The following WDR72 variants were observed in gnomAD, a reference collection of about 807,000 sequenced individuals.
WDR72 encodes WD repeat-containing protein 72.
In WDR72, 120 loss-of-function variants were observed where a neutral mutation model predicts 124.2. That is an observed-to-expected ratio of 0.97 (90% CI 0.83 to 1.12). The LOEUF (loss-of-function observed/expected upper bound fraction) is 1.12, where lower values mean the gene tolerates loss of function less well. Ranked by LOEUF, WDR72 falls within the 50% of genes most tolerant of loss-of-function variation. The pLI is 0.00. For synonymous variants in WDR72, 452 were observed against 441.7 expected (o/e 1.02, Z -0.29); for missense variants, 1,387 against 1,278.8 (o/e 1.08, Z -1.29).
At chr15:53,702,009 T>G in intron 12 of WDR72, 125 bp downstream of exon 12, 1 of 613,380 alleles carries the variant, frequency 1.6e-6, no homozygotes, top group Non-Finnish European at 2.7e-6. Context: ...AGTTGTATTA[T>G]AAGTACATAG....
intron 13 of WDR72, among the ~76,000 whole-genome samples, chr15:53,678,447 A>G (rs2016254774): frequency 6.6e-6 from 1 of 152,150 alleles, no homozygotes; most frequent in African/African-American, 2.4e-5. Flanking sequence ...TCTTAACTCT[A>G]TAGAACCATT....
At chr15:53,683,694 T>G (rs966001390) in intron 13 of WDR72, among the ~76,000 whole-genome samples, 1 of 152,066 alleles carries the variant, frequency 6.6e-6, no homozygotes, top group Non-Finnish European at 1.5e-5. Context: ...TAATTTATAA[T>G]TACTTGGGTA....
intron 11 of WDR72, among the ~76,000 whole-genome samples, chr15:53,704,578 G>A (rs1429372046): frequency 6.6e-6 from 1 of 151,340 alleles, no homozygotes; most frequent in Non-Finnish European, 1.5e-5. Flanking sequence ...CCAGGCTGGA[G>A]TGCAGTGGCG....
rs1595853186 is a variant in WDR72, at chr15:53,690,499, C to CT, written c.1765+9250dup. 3.9e-5 allele frequency among the ~76,000 whole-genome samples: 6 copies of CT among 152,244 alleles called. No individual in the cohort carries two copies. The East Asian group carries it at 9.7e-4, about 25-fold the overall frequency. On this transcript the variant is annotated intron_variant, in intron 13 of 19. Coordinates refer to ENST00000360509, the MANE Select transcript of WDR72 (RefSeq NM_182758.4). Reference sequence around the variant, plus strand: ...CTGCTTTCTGGTTTTATGGATTTGCCTTTTTTGGATATGTCATATAAAAAA... The same window carrying CT: ...CTGCTTTCTGGTTTTATGGATTTGCCTTTTTTTGGATATGTCATATAAAAAA...
chr15:53,601,511 A>G (rs1030140513), intron 17 of WDR72, among the ~76,000 whole-genome samples: 1 of 152,192 alleles, frequency 6.6e-6, no homozygotes, highest in African/African-American at 2.4e-5. Flanking sequence ...ACATATCAAT[A>G]CTAACCTTAA....
In WDR72 at chr15:53,587,145, C is replaced by T. The variant is rs190415799; in HGVS notation, c.3148+9934G>A. On this transcript the variant is annotated intron_variant, in intron 18 of 19. Coordinates refer to ENST00000360509, the MANE Select transcript of WDR72 (RefSeq NM_182758.4). Reference sequence around the variant, plus strand: ...AACGCCTTTCACAGTGAATAACTGTCCTGCTTGGTTTTCAAATATTCCACT... The same window carrying T: ...AACGCCTTTCACAGTGAATAACTGTTCTGCTTGGTTTTCAAATATTCCACT... Among the ~76,000 whole-genome samples the T allele has an allele frequency of 8.5e-5, 13 of 152,108 alleles. No homozygotes were observed. The East Asian group carries it at 2.1e-3, about 25-fold the overall frequency.
chr15:53,702,054 C>G, intron 12 of WDR72, 80 bp downstream of exon 12: 1 of 1,058,318 alleles, frequency 9.4e-7, no homozygotes, highest in Non-Finnish European at 1.3e-6. Context: ...AAATATGGGT[C>G]ATTTTTACTT....
chr15:53,556,271 A>C (rs1595758293), intron 18 of WDR72, among the ~76,000 whole-genome samples: 1 of 152,260 alleles, frequency 6.6e-6, no homozygotes, highest in East Asian at 1.9e-4. Context: ...GATGAAAACC[A>C]TTTAAACTTA....
intron 2 of WDR72, among the ~76,000 whole-genome samples, chr15:53,726,268 A>ATATATATGTATGTGTG (rs1567051194): frequency 6.5e-5 from 6 of 92,420 alleles, no homozygotes; most frequent in African/African-American, 2.6e-4. Flanking sequence ...ATGTGTGTAT[A>ATATATATGTATGTGTG]TATATATATA....
At chr15:53,652,228 G>A (rs2015268089) in intron 14 of WDR72, 1 of 152,106 alleles carries the variant, frequency 6.6e-6, no homozygotes, top group Non-Finnish European at 1.5e-5. Flanking sequence ...GCCTTGTCAT[G>A]GGAATCTAAA....
intron 13 of WDR72, among the ~76,000 whole-genome samples, chr15:53,667,894 G>A (rs1445727860): frequency 6.6e-6 from 1 of 152,036 alleles, no homozygotes; most frequent in Non-Finnish European, 1.5e-5. Flanking sequence ...TTTTAGTGAT[G>A]AAAACAGTTT....
At chr15:53,583,803 T>C (rs1237286144) in intron 18 of WDR72, among the ~76,000 whole-genome samples, 2 of 151,962 alleles carry the variant, frequency 1.3e-5, no homozygotes, top group East Asian at 3.9e-4. Flanking sequence ...ATAAGGGAAG[T>C]AGGTGATGTA....
At chr15:53,664,339 A>T (rs907709397) in intron 14 of WDR72, among the ~76,000 whole-genome samples, 1 of 152,190 alleles carries the variant, frequency 6.6e-6, no homozygotes, top group South Asian at 2.1e-4. Context: ...TTAGGTATTT[A>T]GTTAGTGTGA....
intron 18 of WDR72, among the ~76,000 whole-genome samples, chr15:53,550,339 T>C (rs561677134): frequency 2.0e-4 from 30 of 152,186 alleles, no homozygotes; most frequent in Non-Finnish European, 3.7e-4. Context: ...AATAAAACTT[T>C]TTTTACCAAA....
intron 14 of WDR72, among the ~76,000 whole-genome samples, chr15:53,646,515 T>G (rs932951514): frequency 1.3e-5 from 2 of 151,902 alleles, no homozygotes; most frequent in African/African-American, 4.8e-5. Context: ...AGAAAAGAAA[T>G]AAGGTAAACA....
intron 17 of WDR72, among the ~76,000 whole-genome samples, chr15:53,600,121 A>G (rs934476165): frequency 1.3e-5 from 2 of 152,190 alleles, no homozygotes; most frequent in African/African-American, 4.8e-5. Context: ...TTATTATAGT[A>G]TCTGGAATAG....
chr15:53,713,591 C>T (rs995263268), intron 6 of WDR72, among the ~76,000 whole-genome samples: 9 of 151,734 alleles, frequency 5.9e-5, no homozygotes, highest in Non-Finnish European at 1.0e-4. Flanking sequence ...GCTAGGATTA[C>T]AGGTGCACTC....
In WDR72 at chr15:53,620,101, T is replaced by C. The variant is rs902975165; in HGVS notation, c.1963-3858A>G. On this transcript the variant is annotated intron_variant, in intron 14 of 19. Transcript: ENST00000360509. ...TCTTAAAATGTTACAAACTCTTTAA[T>C]GCAGAAATTATTTTAAAAATAATTC... 3.1e-4 allele frequency among the ~76,000 whole-genome samples: 47 copies of C among 152,138 alleles called. 1 individual carries two copies. The highest frequency in any genetic ancestry group is 1.1e-3 in the African/African-American group (44 of 41,534).
intron 18 of WDR72, among the ~76,000 whole-genome samples, chr15:53,575,160 G>A (rs1203845220): frequency 6.6e-6 from 1 of 151,822 alleles, no homozygotes; most frequent in Non-Finnish European, 1.5e-5. Context: ...TTTCATATGA[G>A]TACTACCATA....
Sources: allele counts gnomAD v4.1 joint callset (sites outside exome capture counted in the v4.1 genomes callset), GRCh38; gene constraint gnomAD v4.1.1; transcripts MANE v1.5; gene names NCBI Gene and HGNC (gene_info 2026-07-23, HGNC 2026-07-21).